WDR49: variants seen among roughly 807,000 people sequenced by gnomAD.
WDR49 encodes WD repeat domain 49, also known as cilia- and flagella-associated protein 337.
A neutral mutation model predicts 119.5 loss-of-function variants in WDR49; 107 were observed. The ratio of observed to expected loss-of-function variants is 0.90; its 90% CI spans 0.77 to 1.05. The LOEUF (loss-of-function observed/expected upper bound fraction) is 1.05, where lower values mean the gene tolerates loss of function less well. WDR49 is among the 50% of genes least tolerant of loss of function. WDR49 has a pLI of 0.00. For synonymous variants in WDR49, 425 were observed against 418.8 expected, an observed-to-expected ratio of 1.01 and a Z score of -0.18; for missense variants, 1,240 against 1,220.5, an observed-to-expected ratio of 1.02 and a Z score of -0.24.
intron 7 of WDR49, among the ~76,000 whole-genome samples, chr3:167,577,242 GA>G (rs1212677868): frequency 6.6e-6 from 1 of 152,084 alleles, no homozygotes; most frequent in East Asian, 1.9e-4. Context: ...GTCCCAGGAA[GA>G]AAACAGAAAG....
At chr3:167,515,978 C>A (rs1334571102) in intron 16 of WDR49, among the ~76,000 whole-genome samples, 3 of 152,222 alleles carry the variant, frequency 2.0e-5, no homozygotes, top group East Asian at 1.9e-4. Context: ...TCAAGGAAAT[C>A]AGAGAGGACA....
chr3:167,630,048 T>C (rs1164292866), intron 2 of WDR49, among the ~76,000 whole-genome samples: 2 of 152,170 alleles, frequency 1.3e-5, no homozygotes, highest in Non-Finnish European at 1.5e-5. Flanking sequence ...TTGAGAGTAT[T>C]GACTTCAATT....
Position 167,627,285 on chromosome 3 carries a change from T to G in WDR49, c.173A>C (p.Gln58Pro). Residue 58 changes from glutamine (Q) to proline (P), a missense_variant, in exon 3 of 19, where the codon CAG (glutamine) becomes CCG (proline). Gln to Pro is a moderately conservative substitution (Grantham distance 76). Coordinates refer to ENST00000682715, the MANE Select transcript of WDR49 (RefSeq NM_001366157.1). ...VKIQKAFESP[Q>P]PRKIICMSRE... The stretch of plus-strand genomic sequence containing the variant: ...GGACATACAAATGATTTTCCTTGGC[T>G]GTGGGGACTAGAAACAGGAATCCAA... 8.1e-7 allele frequency: 1 copy of G among 1,234,938 alleles called. No homozygotes were observed. The highest frequency in any genetic ancestry group is 1.0e-6 in the Non-Finnish European group (1 of 988,642). The allele number at this position is 1,234,938 out of a possible 1,614,324, so 76.5% of individuals were successfully genotyped here.
At chr3:167,565,412 C>CACACACACACACACAT (rs144511770) in intron 8 of WDR49, among the ~76,000 whole-genome samples, 5 of 146,968 alleles carry the variant, frequency 3.4e-5, no homozygotes, top group East Asian at 2.0e-4. Flanking sequence ...CACACACACA[C>CACACACACACACACAT]TTATATGTAA....
intron 7 of WDR49, among the ~76,000 whole-genome samples, chr3:167,580,853 A>C (rs1246108338): frequency 2.0e-5 from 3 of 152,200 alleles, no homozygotes; most frequent in Admixed American, 6.5e-5. Context: ...TTCAATTTTC[A>C]TTTCAGATAT....
chr3:167,651,201 C>T (rs1316981670), intron 2 of WDR49, among the ~76,000 whole-genome samples: 4 of 152,070 alleles, frequency 2.6e-5, no homozygotes, highest in Non-Finnish European at 5.9e-5. Context: ...CACCTAATAT[C>T]TGACAACTCT....
At chr3:167,632,186 A>C (rs1337126297) in intron 2 of WDR49, among the ~76,000 whole-genome samples, 1 of 152,126 alleles carries the variant, frequency 6.6e-6, no homozygotes, top group South Asian at 2.1e-4. Context: ...TAAAAGCAGG[A>C]TCTCTATATT....
intron 16 of WDR49, among the ~76,000 whole-genome samples, chr3:167,520,079 A>G (rs1032718851): frequency 7.4e-5 from 11 of 149,180 alleles, no homozygotes; most frequent in Non-Finnish European, 7.4e-5. Context: ...AAAGAAAAAA[A>G]TGTGTGTGTG....
chr3:167,508,676 A>G (rs1751862814), intron 16 of WDR49, among the ~76,000 whole-genome samples: 1 of 152,202 alleles, frequency 6.6e-6, no homozygotes, highest in African/African-American at 2.4e-5. Context: ...ACTCCCCCAA[A>G]TAACAATTTG....
At chr3:167,500,977 G>A (rs761549183) in intron 17 of WDR49, among the ~76,000 whole-genome samples, 4 of 152,288 alleles carry the variant, frequency 2.6e-5, no homozygotes, top group Middle Eastern at 3.4e-3. Flanking sequence ...AAACTAATCC[G>A]TATTCAGCAC....
chr3:167,537,088 A>G, intron 10 of WDR49, 88 bp from the exon 11 acceptor site: 1 of 1,301,518 alleles, frequency 7.7e-7, no homozygotes, highest in Non-Finnish European at 1.0e-6. Flanking sequence ...ATGTGATCCA[A>G]GACTTTTAAA....
At chr3:167,555,220 C>T (rs1712855507) in intron 9 of WDR49, among the ~76,000 whole-genome samples, 1 of 152,018 alleles carries the variant, frequency 6.6e-6, no homozygotes, top group African/African-American at 2.4e-5. Context: ...TCAATCAACC[C>T]TGTGTAATGG....
intron 11 of WDR49, 109 bp from the exon 12 acceptor site, chr3:167,533,086 C>A: frequency 1.6e-6 from 1 of 638,560 alleles, no homozygotes; most frequent in Non-Finnish European, 2.6e-6. Flanking sequence ...CAGAATATGG[C>A]ACATAGTGGG....
chr3:167,569,102 T>G (rs1156366418), intron 8 of WDR49, among the ~76,000 whole-genome samples: 3 of 151,980 alleles, frequency 2.0e-5, no homozygotes, highest in African/African-American at 4.8e-5. Context: ...CCACCACACC[T>G]GGCTAATTTT....
chr3:167,585,885 T>C (rs1714789229), intron 7 of WDR49, among the ~76,000 whole-genome samples: 1 of 152,174 alleles, frequency 6.6e-6, no homozygotes, highest in African/African-American at 2.4e-5. Context: ...AAGGAATATT[T>C]ACTTTTTGCA....
chr3:167,599,992 C>T (rs1235537582), intron 7 of WDR49, among the ~76,000 whole-genome samples: 2 of 152,120 alleles, frequency 1.3e-5, no homozygotes, highest in East Asian at 1.9e-4. Context: ...CTTAAGGTAG[C>T]GGGTTCCCTT....
chr3:167,655,610 C>T (rs1440186097), upstream of WDR49, among the ~76,000 whole-genome samples: 1 of 152,030 alleles, frequency 6.6e-6, no homozygotes, highest in Non-Finnish European at 1.5e-5. Context: ...TTATTAAGAG[C>T]CTAATAGGCA....
intron 5 of WDR49, among the ~76,000 whole-genome samples, chr3:167,617,194 A>C (rs1716636712): frequency 6.6e-6 from 1 of 151,950 alleles, no homozygotes; most frequent in Non-Finnish European, 1.5e-5. Context: ...AGTGGCAAAA[A>C]ATAAAGGACG....
intron 10 of WDR49, among the ~76,000 whole-genome samples, chr3:167,539,929 G>A (rs1362123296): frequency 6.6e-6 from 1 of 152,054 alleles, no homozygotes; most frequent in African/African-American, 2.4e-5. Flanking sequence ...ACCACGATAG[G>A]CATTTAACAA....
Sources: allele counts gnomAD v4.1 joint callset (sites outside exome capture counted in the v4.1 genomes callset), GRCh38; gene constraint gnomAD v4.1.1; transcripts MANE v1.5; gene names NCBI Gene and HGNC (gene_info 2026-07-23, HGNC 2026-07-21).